The following ATXN8OS variants were observed in gnomAD, a reference collection of about 807,000 sequenced individuals.
ATXN8OS encodes the protein ATXN8 opposite strand lncRNA, also known as ATXN8 opposite strand (non-protein coding).
chr13:70,131,261 C>G, intron 3 of ATXN8OS: 1 of 398,456 alleles, frequency 2.5e-6, no homozygotes, highest in African/African-American at 2.1e-5. Flanking sequence ...CTCTTCATTT[C>G]CAACACTCCT....
intron 1 of ATXN8OS, among the ~76,000 whole-genome samples, chr13:70,108,684 T>C (rs1400939639): frequency 6.6e-6 from 1 of 152,260 alleles, no homozygotes; most frequent in Non-Finnish European, 1.5e-5. Flanking sequence ...ACAGGCATTA[T>C]GCTTTTGCAT....
chr13:70,163,450 T>C (rs769148586), intron 4 of ATXN8OS, among the ~76,000 whole-genome samples: 1 of 152,096 alleles, frequency 6.6e-6, no homozygotes, highest in Non-Finnish European at 1.5e-5. Flanking sequence ...TAGTAGGTAT[T>C]GTAACTTTAT....
At chr13:70,127,489 T>C (rs537530981) in intron 2 of ATXN8OS, among the ~76,000 whole-genome samples, 6 of 152,026 alleles carry the variant, frequency 3.9e-5, no homozygotes, top group Non-Finnish European at 8.8e-5. Context: ...GAGGTATATA[T>C]GTAAATGTTA....
intron 4 of ATXN8OS, among the ~76,000 whole-genome samples, chr13:70,160,783 TATTTATTTATAAATATATTTATTATAA>T (rs1888998298): frequency 5.4e-5 from 1 of 18,482 alleles, no homozygotes; most frequent in African/African-American, 1.0e-4. Context: ...AATATATAAA[TATTTATTTATAAATATATTTATTATAA>T]ATATATATAA....
rs1045869717 is a variant in ATXN8OS at position 70,108,192 on chromosome 13, C to A, written n.240+173C>A. The A allele has an allele frequency of 1.3e-5, 5 of 396,556 alleles. No individual in the cohort carries two copies. In the South Asian group the frequency reaches 5.7e-4, roughly 45 times the overall value. 24.6% of individuals were successfully genotyped at this position (396,556 alleles called of 1,614,324 possible). On this transcript the variant is annotated intron_variant and non_coding_transcript_variant, in intron 1 of 4. Transcript: ENST00000678624. ...AGCTCAGAGTTCAGTGTCTGGAGAG[C>A]GCAGAGAGAAAGAGCCCCAAGTCTC...
chr13:70,149,626 T>G (rs1305795655), intron 4 of ATXN8OS, among the ~76,000 whole-genome samples: 1 of 152,152 alleles, frequency 6.6e-6, no homozygotes, highest in Non-Finnish European at 1.5e-5. Context: ...GACATTTACT[T>G]AAATATTTAC....
At chr13:70,121,537 C>A (rs1458320227) in intron 2 of ATXN8OS, among the ~76,000 whole-genome samples, 2 of 151,788 alleles carry the variant, frequency 1.3e-5, no homozygotes, top group South Asian at 2.1e-4. Context: ...TTTTTCTCCA[C>A]CCAGAGACTC....
chr13:70,165,606 C>T (rs1889068115), intron 4 of ATXN8OS, among the ~76,000 whole-genome samples: 1 of 151,762 alleles, frequency 6.6e-6, no homozygotes, highest in Admixed American at 6.6e-5. Context: ...TCTGCGTATC[C>T]AAATCAGAAA....
intron 2 of ATXN8OS, among the ~76,000 whole-genome samples, chr13:70,119,202 A>G (rs1209614564): frequency 6.6e-6 from 1 of 152,038 alleles, no homozygotes; most frequent in African/African-American, 2.4e-5. Flanking sequence ...GTTTTTCACA[A>G]TTATTTCTCA....
intron 1 of ATXN8OS, among the ~76,000 whole-genome samples, chr13:70,109,062 T>C (rs1888154336): frequency 6.6e-6 from 1 of 152,176 alleles, no homozygotes; most frequent in African/African-American, 2.4e-5. Context: ...AAGAATGGAA[T>C]AAAATGATAA....
chr13:70,149,970 T>A (rs1455091971), intron 4 of ATXN8OS, among the ~76,000 whole-genome samples: 1 of 152,132 alleles, frequency 6.6e-6, no homozygotes, highest in Non-Finnish European at 1.5e-5. Context: ...GTTTTCCTAA[T>A]ACAGAATTCC....
intron 4 of ATXN8OS, among the ~76,000 whole-genome samples, chr13:70,157,727 T>A (rs1303736389): frequency 6.6e-6 from 1 of 152,026 alleles, no homozygotes; most frequent in African/African-American, 2.4e-5. Flanking sequence ...CTAAACAGAT[T>A]TAAAAAAGAA....
chr13:70,155,122 A>G (rs774680924), intron 4 of ATXN8OS, among the ~76,000 whole-genome samples: 13 of 152,138 alleles, frequency 8.5e-5, no homozygotes, highest in Non-Finnish European at 1.6e-4. Flanking sequence ...TCCTGTTTCA[A>G]CCCGAGGTCT....
chr13:70,140,531 C>CAA (rs745942489), intron 3 of ATXN8OS, among the ~76,000 whole-genome samples: 305 of 22,958 alleles, frequency 0.013, no homozygotes, highest in Admixed American at 0.023. Flanking sequence ...CACACACACA[C>CAA]ACAAAAAAAA....
At chr13:70,117,609 C>A (rs914563717) in intron 2 of ATXN8OS, among the ~76,000 whole-genome samples, 3 of 152,076 alleles carry the variant, frequency 2.0e-5, no homozygotes, top group African/African-American at 7.2e-5. Flanking sequence ...TAGAATGGAA[C>A]GTCACAGGCT....
At chr13:70,132,903 A>G (rs886676734) in intron 3 of ATXN8OS, among the ~76,000 whole-genome samples, 2 of 152,118 alleles carry the variant, frequency 1.3e-5, no homozygotes, top group Admixed American at 1.3e-4. Context: ...GGTGTCTGGA[A>G]GATCTTTCCT....
chr13:70,139,210 C>G, intron 3 of ATXN8OS: 1 of 444,820 alleles, frequency 2.2e-6, no homozygotes, highest in Non-Finnish European at 4.0e-6. Flanking sequence ...CTGATATTCT[C>G]TACTATTTCC....
intron 4 of ATXN8OS, among the ~76,000 whole-genome samples, chr13:70,157,306 C>G (rs944702049): frequency 6.6e-6 from 1 of 152,044 alleles, no homozygotes; most frequent in Admixed American, 6.6e-5. Context: ...ATAGGAGGAG[C>G]TCTTTCTGTT....
intron 1 of ATXN8OS, among the ~76,000 whole-genome samples, chr13:70,113,906 A>G (rs1888237071): frequency 6.6e-6 from 1 of 152,198 alleles, no homozygotes; most frequent in Non-Finnish European, 1.5e-5. Flanking sequence ...TGTAACGTAA[A>G]TTACAAATAG....
Sources: gnomAD v4.1 joint callset for allele counts (sites outside exome capture counted in the v4.1 genomes callset) on GRCh38, gnomAD v4.1.1 for gene constraint, MANE v1.5 for transcripts, NCBI Gene and HGNC (gene_info 2026-07-23, HGNC 2026-07-21) for gene names.